RYR3: variants seen among roughly 807,000 people sequenced by gnomAD.
The protein encoded by RYR3 is ryanodine receptor 3.
A neutral mutation model predicts 584.3 loss-of-function variants in RYR3; 207 were observed. The ratio of observed to expected loss-of-function variants is 0.35; its 90% confidence interval spans 0.32 to 0.40. The LOEUF (loss-of-function observed/expected upper bound fraction) is 0.40. Ranked by LOEUF, RYR3 falls within the 10% of genes least tolerant of loss-of-function variation. The probability of loss-of-function intolerance (pLI) is 1.00; values close to 1 mark genes in which losing one functional copy is unlikely to be tolerated. For synonymous variants in RYR3, 2,416 were observed against 2,248.5 expected (o/e 1.07, Z -2.11); for missense variants, 5,616 against 6,089.2 (o/e 0.92, Z 2.59).
chr15:33,790,550 G>A (rs954255858), intron 67 of RYR3, among the ~76,000 whole-genome samples: 1 of 152,168 alleles, frequency 6.6e-6, no homozygotes, highest in Non-Finnish European at 1.5e-5. Context: ...TTTGGCCAAG[G>A]TTGGAGTGAG....
At chr15:33,588,994 A>C (rs947657949) in intron 16 of RYR3, among the ~76,000 whole-genome samples, 2 of 152,192 alleles carry the variant, frequency 1.3e-5, no homozygotes, top group Non-Finnish European at 2.9e-5. Context: ...TGCTGGATCA[A>C]AAATGGTAGA....
At chr15:33,482,509 TC>T (rs1243153505) in intron 2 of RYR3, among the ~76,000 whole-genome samples, 3 of 152,060 alleles carry the variant, frequency 2.0e-5, no homozygotes, top group African/African-American at 7.2e-5. Context: ...AACCTCCCCC[TC>T]CCAGGTTCAA....
At position 33,628,490 on chromosome 15, in the gene RYR3, T is replaced by C; in HGVS notation, c.2594T>C (p.Leu865Pro). The change falls in exon 21 of 104, where the codon CTA becomes CCA. Residue 865 changes from leucine (L) to proline (P), a missense_variant. Physicochemically the swap from Leu to Pro is moderately conservative, Grantham distance 98. Transcript: ENST00000634891. ...CTTTAGGTTATTTTGCCACCTCACC[T>C]AGAAAAGATCCGAGACAGACTAGCT... ...DTSQVILPPH[L>P]EKIRDRLAEN... 6.2e-7 allele frequency: 1 copy of C among 1,612,698 alleles called. No individual in the cohort carries two copies. The highest frequency in any genetic ancestry group is 8.5e-7 in the Non-Finnish European group (1 of 1,178,736).
intron 94 of RYR3, among the ~76,000 whole-genome samples, chr15:33,848,784 T>C (rs1461033738): frequency 6.6e-6 from 1 of 150,710 alleles, no homozygotes; most frequent in African/African-American, 2.4e-5. Context: ...TCCATAGCCT[T>C]CCATGGCACA....
At chr15:33,437,727 A>C (rs978404677) in intron 1 of RYR3, among the ~76,000 whole-genome samples, 1 of 152,044 alleles carries the variant, frequency 6.6e-6, no homozygotes, top group Non-Finnish European at 1.5e-5. Context: ...ACATTATCCT[A>C]CTATAACTTT....
intron 3 of RYR3, among the ~76,000 whole-genome samples, chr15:33,520,848 A>G (rs944322065): frequency 6.6e-6 from 1 of 152,154 alleles, no homozygotes; most frequent in East Asian, 1.9e-4. Context: ...TTCCCCCTCA[A>G]TGGAAAATGC....
At chr15:33,425,795 C>T (rs1055670624) in intron 1 of RYR3, among the ~76,000 whole-genome samples, 3 of 151,900 alleles carry the variant, frequency 2.0e-5, no homozygotes, top group African/African-American at 7.2e-5. Context: ...GCGCCCGCCA[C>T]CACACCCGGC....
intron 55 of RYR3, 52 bp from the exon 56 acceptor site, chr15:33,749,927 C>T (rs1179013739): frequency 1.3e-6 from 2 of 1,544,726 alleles, no homozygotes; most frequent in Middle Eastern, 2.2e-4. Flanking sequence ...GCTATGAAGC[C>T]AGCTTGCCTG....
rs112260658 is a variant in RYR3 at position 33,728,800 on chromosome 15, T to C, written c.7034-57T>C. The C allele has an allele frequency of 1.2e-3, 1,788 of 1,521,432 alleles. 26 individuals carry two copies. In the African/African-American group the frequency reaches 0.021, roughly 18 times the overall value. 94.2% of individuals were successfully genotyped at this position (1,521,432 alleles called of 1,614,324 possible). ...CTATAGACAGACAAGCTCTGTGTTA[T>C]CTTTTGAGACTTTGGAGACAGGAAA... On this transcript the variant is annotated intron_variant, in intron 46 of 103. Coordinates refer to ENST00000634891, the MANE Select transcript of RYR3 (RefSeq NM_001036.6).
At chr15:33,469,201 T>C (rs1284572947) in intron 1 of RYR3, among the ~76,000 whole-genome samples, 1 of 151,988 alleles carries the variant, frequency 6.6e-6, no homozygotes, top group African/African-American at 2.4e-5. Flanking sequence ...CTTAGAAGAA[T>C]AGGTAATATA....
chr15:33,662,386 A>C lies in RYR3; in HGVS notation c.4856A>C (p.Lys1619Thr). ...LLISIHLASA[K>T]ERKLMMKNEY... ...ATCAGCATCCACCTGGCCAGCGCCA[A>C]GGAGAGGAAGCTGATGATGAAGAAC... Residue 1619 changes from lysine to threonine, a missense_variant, in exon 35 of 104, where the codon AAG becomes ACG. Around this residue, in one of 9 missense-constraint regions of RYR3, gnomAD observed 753 missense variants for 741.0 expected, o/e 1.02. Transcript: ENST00000634891. 6.2e-7 allele frequency: 1 copy of C among 1,613,624 alleles called. No homozygotes were observed. Among genetic ancestry groups the C allele is most frequent in the Non-Finnish European group, 8.5e-7 (1 of 1,179,736 alleles).
chr15:33,409,282 T>TAATA (rs138051374), intron 1 of RYR3, among the ~76,000 whole-genome samples: 3 of 149,134 alleles, frequency 2.0e-5, no homozygotes, highest in Non-Finnish European at 3.0e-5. Flanking sequence ...GTGCTGCGTA[T>TAATA]AATAAATAAA....
At chr15:33,672,033 C>T (rs1439561649) in intron 38 of RYR3, among the ~76,000 whole-genome samples, 1 of 151,870 alleles carries the variant, frequency 6.6e-6, no homozygotes, top group Non-Finnish European at 1.5e-5. Context: ...AGGTTGGTCT[C>T]GAACTTTTGA....
intron 1 of RYR3, among the ~76,000 whole-genome samples, chr15:33,353,033 G>A (rs111502870): frequency 4.7e-5 from 7 of 150,412 alleles, no homozygotes; most frequent in Non-Finnish European, 1.0e-4. Context: ...AACCTTCTCT[G>A]ACATTTATTA....
At chr15:33,682,130 T>G (rs1456038934) in intron 38 of RYR3, among the ~76,000 whole-genome samples, 1 of 152,194 alleles carries the variant, frequency 6.6e-6, no homozygotes, top group African/African-American at 2.4e-5. Context: ...CTTTGGTAGG[T>G]GAATCTTTAG....
intron 1 of RYR3, among the ~76,000 whole-genome samples, chr15:33,353,309 T>G (rs1162565437): frequency 2.0e-5 from 3 of 152,172 alleles, no homozygotes; most frequent in African/African-American, 4.8e-5. Flanking sequence ...TTGCTTTTTC[T>G]GGAGAGGTCA....
At chr15:33,658,110 A>G (rs1282320594) in intron 32 of RYR3, among the ~76,000 whole-genome samples, 2 of 152,238 alleles carry the variant, frequency 1.3e-5, no homozygotes, top group Non-Finnish European at 2.9e-5. Context: ...ATTTCTATGG[A>G]TCAGGAGTCT....
At chr15:33,578,035 A>G (rs2058388289) in intron 12 of RYR3, among the ~76,000 whole-genome samples, 1 of 152,258 alleles carries the variant, frequency 6.6e-6, no homozygotes, top group African/African-American at 2.4e-5. Context: ...ATCACTAGAG[A>G]AATGCAAGTC....
At chr15:33,620,184 G>T (rs1305106171) in intron 19 of RYR3, among the ~76,000 whole-genome samples, 1 of 152,108 alleles carries the variant, frequency 6.6e-6, no homozygotes, top group Non-Finnish European at 1.5e-5. Flanking sequence ...CACCCTGAGC[G>T]AAAGGGCACC....
Sources: gnomAD v4.1 joint callset for allele counts (sites outside exome capture counted in the v4.1 genomes callset) on GRCh38, gnomAD v4.1.1 for gene constraint, gnomAD v4.1.1 regional missense constraint, MANE v1.5 for transcripts, NCBI Gene and HGNC (gene_info 2026-07-23, HGNC 2026-07-21) for gene names.